ST6GAL1: variants seen among roughly 807,000 people sequenced by gnomAD.
ST6GAL1 encodes the protein beta-galactoside alpha-2,6-sialyltransferase 1.
ST6GAL1 carries 20 observed loss-of-function variants against 38.0 expected under a neutral mutation model. That is an observed-to-expected ratio of 0.53 (90% CI 0.37 to 0.77). The LOEUF (loss-of-function observed/expected upper bound fraction) is 0.77. ST6GAL1 is among the 30% of genes least tolerant of loss of function. The pLI is 0.00. For synonymous variants in ST6GAL1, 196 were observed against 188.2 expected (o/e 1.04, Z -0.34); for missense variants, 432 against 496.4 (o/e 0.87, Z 1.23).
chr3:187,073,033 C>T (rs910847069), intron 6 of ST6GAL1, 86 bp downstream of exon 6: 1 of 1,028,486 alleles, frequency 9.7e-7, no homozygotes, highest in Non-Finnish European at 1.5e-6. Context: ...AAAGTCATGG[C>T]TGACATTGGC....
chr3:186,978,841 T>G (rs1715601075), intron 2 of ST6GAL1, among the ~76,000 whole-genome samples: 1 of 151,968 alleles, frequency 6.6e-6, no homozygotes, highest in Admixed American at 6.6e-5. Flanking sequence ...TCCCCATCCC[T>G]GAACACAATG....
chr3:186,988,839 G>A (rs1390518939), intron 2 of ST6GAL1, among the ~76,000 whole-genome samples: 3 of 152,064 alleles, frequency 2.0e-5, no homozygotes, highest in Non-Finnish European at 2.9e-5. Context: ...GCTTGAGTCC[G>A]AGAGGTGGAG....
intron 5 of ST6GAL1, among the ~76,000 whole-genome samples, chr3:187,067,432 A>G (rs1429691414): frequency 7.1e-6 from 1 of 141,100 alleles, no homozygotes; most frequent in Non-Finnish European, 1.5e-5. Context: ...AAATCTTTGA[A>G]CTTCATATAG....
rs183833181 is a variant in ST6GAL1 at position 186,975,899 on chromosome 3, C to T, written c.-183+11973C>T. ...TGGCCCTGGGAGGAACTGGGGACCT[C>T]GGAGAAAGCATTAGTTTACAACAAA... On this transcript the variant is annotated intron_variant, in intron 2 of 7. Coordinates refer to ENST00000169298, the MANE Select transcript of ST6GAL1 (RefSeq NM_173216.2). Among the ~76,000 whole-genome samples, 60 of 152,254 alleles carry T rather than the reference C, an allele frequency of 3.9e-4. No individual in the cohort carries two copies. The South Asian group carries it at 5.6e-3, about 14-fold the overall frequency.
intron 1 of ST6GAL1, among the ~76,000 whole-genome samples, chr3:186,959,087 C>T (rs1443131415): frequency 5.9e-5 from 9 of 152,176 alleles, no homozygotes; most frequent in Non-Finnish European, 1.3e-4. Context: ...TGATTGTTTG[C>T]TGTAGAGAAC....
At chr3:187,072,347 ATGTGTTGGACTGTGTTGGC>A (rs3831821) in intron 5 of ST6GAL1, 66,770 of 176,516 alleles carry the variant, frequency 0.38, 12,690 homozygotes, top group East Asian at 0.55. Flanking sequence ...GTTGGAACAG[ATGTGTTGGACTGTGTTGGC>A]TGTGTTGGAC....
intron 5 of ST6GAL1, among the ~76,000 whole-genome samples, chr3:187,058,823 G>A (rs1217314536): frequency 6.6e-6 from 1 of 152,026 alleles, no homozygotes; most frequent in East Asian, 1.9e-4. Flanking sequence ...TGTATCTTTA[G>A]TAGAGATGGG....
intron 2 of ST6GAL1, among the ~76,000 whole-genome samples, chr3:187,017,275 CCT>C (rs1717148047): frequency 6.6e-6 from 1 of 152,160 alleles, no homozygotes; most frequent in African/African-American, 2.4e-5. Flanking sequence ...CCAAGGAAAC[CCT>C]CTGTGAACTT....
chr3:186,994,155 A>G (rs1207535628), intron 2 of ST6GAL1, among the ~76,000 whole-genome samples: 2 of 152,140 alleles, frequency 1.3e-5, no homozygotes, highest in Non-Finnish European at 2.9e-5. Flanking sequence ...CAACTTTTTT[A>G]AAGTGGAGAG....
chr3:187,011,011 AAT>A (rs1716939488), intron 2 of ST6GAL1, among the ~76,000 whole-genome samples: 1 of 152,230 alleles, frequency 6.6e-6, no homozygotes, highest in Non-Finnish European at 1.5e-5. Context: ...CCGCCGGCTA[AAT>A]AAACAGACTC....
chr3:186,999,280 A>G (rs2108551491), intron 2 of ST6GAL1, among the ~76,000 whole-genome samples: 1 of 152,336 alleles, frequency 6.6e-6, no homozygotes, highest in Non-Finnish European at 1.5e-5. Flanking sequence ...ATGCATAGGA[A>G]CAGCTCAGCT....
rs566856962 is a variant in ST6GAL1, at chr3:187,048,061, G to A, written c.608-3188G>A. Among the ~76,000 whole-genome samples the A allele has an allele frequency of 1.6e-4, 24 of 151,542 alleles. No individual in the cohort carries two copies. The South Asian group carries it at 3.1e-3, about 20-fold the overall frequency. On this transcript the variant is annotated intron_variant, in intron 4 of 7. Transcript: ENST00000169298. ...GGGTTCACACCATTCTCCTACCTCA[G>A]CCTCCCGAGTAGCTGGGATTACAGG...
At chr3:186,946,208 G>C (rs1286078890) in intron 1 of ST6GAL1, among the ~76,000 whole-genome samples, 1 of 151,776 alleles carries the variant, frequency 6.6e-6, no homozygotes, top group Non-Finnish European at 1.5e-5. Context: ...GCTGCTCGGT[G>C]GGGCTGAGGC....
At chr3:187,012,510 T>C (rs1350491733) in intron 2 of ST6GAL1, among the ~76,000 whole-genome samples, 1 of 152,138 alleles carries the variant, frequency 6.6e-6, no homozygotes, top group Non-Finnish European at 1.5e-5. Flanking sequence ...CACCTCAGCC[T>C]CCCAAAGTGC....
At position 187,042,695 on chromosome 3, in the gene ST6GAL1, A is replaced by T. The variant is rs1366354238; in HGVS notation, c.-9A>T. The T allele has an allele frequency of 1.9e-6, 3 of 1,598,224 alleles. No homozygotes were observed. Among genetic ancestry groups the T allele is most frequent in the Non-Finnish European group, 2.6e-6 (3 of 1,173,320 alleles). Reference sequence around the variant, plus strand: ...AGAACAAAGTGACTTCCCTGAACACATCTTCATTATGATTCACACCAACCT... The same window carrying T: ...AGAACAAAGTGACTTCCCTGAACACTTCTTCATTATGATTCACACCAACCT... On this transcript the variant is annotated 5_prime_UTR_variant, in exon 4 of 8. Coordinates refer to ENST00000169298, the MANE Select transcript of ST6GAL1 (RefSeq NM_173216.2).
intron 2 of ST6GAL1, among the ~76,000 whole-genome samples, chr3:187,024,042 G>T (rs1001236311): frequency 1.3e-5 from 2 of 151,310 alleles, no homozygotes; most frequent in Non-Finnish European, 2.9e-5. Flanking sequence ...AGATCCTTTT[G>T]GGTATATATA....
chr3:186,994,498 A>G (rs984198846), intron 2 of ST6GAL1, among the ~76,000 whole-genome samples: 2 of 152,122 alleles, frequency 1.3e-5, no homozygotes, highest in Non-Finnish European at 2.9e-5. Flanking sequence ...TCTGTATTTC[A>G]TAGGTGATTC....
chr3:186,946,135 G>A (rs1403265511), intron 1 of ST6GAL1, among the ~76,000 whole-genome samples: 9 of 151,838 alleles, frequency 5.9e-5, no homozygotes, highest in East Asian at 1.9e-4. Context: ...GTGAAACCCC[G>A]TCTCTACGAA....
intron 2 of ST6GAL1, among the ~76,000 whole-genome samples, chr3:186,997,366 G>T (rs1055571227): frequency 3.9e-5 from 6 of 152,162 alleles, no homozygotes; most frequent in Admixed American, 6.5e-5. Flanking sequence ...CAGGGCTGGA[G>T]CCCAGTCTTC....
Sources: gnomAD v4.1 joint callset for allele counts (sites outside exome capture counted in the v4.1 genomes callset) on GRCh38, gnomAD v4.1.1 for gene constraint, MANE v1.5 for transcripts, NCBI Gene and HGNC (gene_info 2026-07-23, HGNC 2026-07-21) for gene names.